WDR93: variants seen among roughly 807,000 people sequenced by gnomAD.
WDR93 encodes the protein WD repeat-containing protein 93.
A neutral mutation model predicts 82.9 loss-of-function variants in WDR93; 73 were observed. That is an observed-to-expected ratio of 0.88 (90% CI 0.73 to 1.07). The LOEUF (loss-of-function observed/expected upper bound fraction) is 1.07. Ranked by LOEUF, WDR93 falls within the 50% of genes least tolerant of loss-of-function variation. The pLI is 0.00. For missense variants in WDR93, 738 were observed against 826.0 expected (o/e 0.89, Z 1.31); for synonymous variants, 283 against 300.1 (o/e 0.94, Z 0.59).
intron 7 of WDR93, chr15:89,719,613 T>A (rs1966428414): frequency 6.6e-6 from 1 of 152,190 alleles, no homozygotes; most frequent in Non-Finnish European, 1.5e-5. Context: ...TTTTTCTTAA[T>A]CAGTTTGGCT....
intron 16 of WDR93, among the ~76,000 whole-genome samples, chr15:89,739,734 T>C (rs1967505048): frequency 6.6e-6 from 1 of 152,190 alleles, no homozygotes; most frequent in Non-Finnish European, 1.5e-5. Flanking sequence ...TTCCTTCCAG[T>C]GCCTAGATGT....
intron 14 of WDR93, among the ~76,000 whole-genome samples, chr15:89,736,748 G>C (rs191852967): frequency 6.6e-6 from 1 of 152,020 alleles, no homozygotes; most frequent in East Asian, 1.9e-4. Flanking sequence ...TGTGGGGAGG[G>C]GAAAGTGGTG....
chr15:89,715,660 T>C (rs1966214827), intron 6 of WDR93, among the ~76,000 whole-genome samples: 1 of 152,208 alleles, frequency 6.6e-6, no homozygotes, highest in Non-Finnish European at 1.5e-5. Context: ...CTCTGCTCAC[T>C]GCAACCTCTG....
At chr15:89,741,973 G>A (rs1413172401) in intron 16 of WDR93, among the ~76,000 whole-genome samples, 1 of 152,122 alleles carries the variant, frequency 6.6e-6, no homozygotes, top group Non-Finnish European at 1.5e-5. Context: ...GGATGGTATC[G>A]ATCTCTTGAC....
chr15:89,695,360 G>GT (rs1965116813), intron 1 of WDR93, among the ~76,000 whole-genome samples: 1 of 152,162 alleles, frequency 6.6e-6, no homozygotes, highest in South Asian at 2.1e-4. Flanking sequence ...TAGAGAGGGA[G>GT]TTTCGCTGTA....
intron 6 of WDR93, among the ~76,000 whole-genome samples, chr15:89,716,179 G>A (rs1408314519): frequency 6.6e-6 from 1 of 152,142 alleles, no homozygotes. Flanking sequence ...CCCTGGGAAA[G>A]TTACTAGCCC....
At chr15:89,720,324 GTGCAGTGGTGCAATC>G (rs1458500953) in intron 7 of WDR93, among the ~76,000 whole-genome samples, 1 of 151,818 alleles carries the variant, frequency 6.6e-6, no homozygotes, top group African/African-American at 2.4e-5. Context: ...TCAGACTGGA[GTGCAGTGGTGCAATC>G]TTGGCTCACT....
intron 1 of WDR93, among the ~76,000 whole-genome samples, chr15:89,701,323 C>T (rs370766085): frequency 4.6e-5 from 7 of 152,056 alleles, no homozygotes; most frequent in African/African-American, 1.7e-4. Context: ...GGAGGAGAGT[C>T]GTGGCTCACT....
chr15:89,691,988 A>G (rs1964912574), intron 1 of WDR93, among the ~76,000 whole-genome samples: 1 of 152,234 alleles, frequency 6.6e-6, no homozygotes, highest in African/African-American at 2.4e-5. Context: ...ACCTGGAAAC[A>G]CAGCTGGAAT....
Position 89,733,222 on chromosome 15 carries a change from C to G in WDR93, c.1544+3C>G, listed in dbSNP as rs1966897323. 6.2e-7 allele frequency: 1 copy of G among 1,611,710 alleles called. No individual in the cohort carries two copies. Among genetic ancestry groups the G allele is most frequent in the African/African-American group, 1.3e-5 (1 of 74,972 alleles). On this transcript the variant is annotated splice_donor_region_variant and intron_variant, in intron 13 of 16. Coordinates refer to ENST00000268130, the MANE Select transcript of WDR93 (RefSeq NM_020212.2). The stretch of plus-strand genomic sequence containing the variant: ...ACCATCAGTGTGCTTGTTGAGAGGT[C>G]AGTAGCTTGAGGGTGGGACGGGGTA...
At chr15:89,713,480 G>GTTT (rs71151526) in intron 5 of WDR93, among the ~76,000 whole-genome samples, 2 of 149,720 alleles carry the variant, frequency 1.3e-5, no homozygotes, top group African/African-American at 4.9e-5. Context: ...ATTTTATTTT[G>GTTT]TTTTTTTTTT....
Position 89,712,100 on chromosome 15 carries a change from A to G in WDR93, c.636A>G (p.Leu212=). ...SQGGDFAAFL[L]QGAGDIWLDV... ...GAGGGGACTTTGCAGCCTTCCTCCT[A>G]CAAGGCAAGATTAACCAAAGACTGT... Residue 212 remains leucine (L), a synonymous_variant, in exon 5 of 17, where the codon CTA becomes CTG. Coordinates refer to ENST00000268130, the MANE Select transcript of WDR93 (RefSeq NM_020212.2). 6.2e-7 allele frequency: 1 copy of G among 1,611,818 alleles called. No individual in the cohort carries two copies. Among genetic ancestry groups the G allele is most frequent in the African/African-American group, 1.3e-5 (1 of 74,984 alleles).
chr15:89,720,172 C>A (rs560237179), intron 7 of WDR93, among the ~76,000 whole-genome samples: 1 of 152,166 alleles, frequency 6.6e-6, no homozygotes, highest in Non-Finnish European at 1.5e-5. Context: ...TAATGCTATA[C>A]ACTTGTATCT....
chr15:89,697,673 GTTTTCTGTATCCTCACAGAT>G (rs1777576157), intron 1 of WDR93, among the ~76,000 whole-genome samples: 1 of 152,050 alleles, frequency 6.6e-6, no homozygotes, highest in African/African-American at 2.4e-5. Context: ...TGTTATTGAA[GTTTTCTGTATCCTCACAGAT>G]TTTTCTGTTT....
chr15:89,720,492 T>C (rs1457887339), intron 7 of WDR93, among the ~76,000 whole-genome samples: 5 of 152,098 alleles, frequency 3.3e-5, no homozygotes, highest in East Asian at 1.9e-4. Context: ...AGGCTGGTCT[T>C]GAACTCCTGA....
Position 89,705,547 on chromosome 15 carries a change from G to C in WDR93, c.497-7G>C. 2.0e-6 allele frequency: 3 copies of C among 1,475,326 alleles called. 1 individual carries two copies. Among genetic ancestry groups the C allele is most frequent in the Middle Eastern group, 3.4e-4 (2 of 5,830 alleles). 91.4% of individuals were successfully genotyped at this position (1,475,326 alleles called of 1,614,324 possible). ...TCTTAACATTCTCACTTATTTTTCT[G>C]TTTCAGGTATCATTAGACTCTTTTA... On this transcript the variant is annotated splice_region_variant and splice_polypyrimidine_tract_variant and intron_variant, in intron 3 of 16. Transcript: ENST00000268130.
chr15:89,702,977 G>C lies in WDR93; in HGVS notation c.331G>C (p.Val111Leu). The change falls in exon 3 of 17, where the codon GTT (valine) becomes CTT (leucine). Residue 111 changes from valine (V) to leucine (L), a missense_variant. Transcript: ENST00000268130. ...QLNKMPNCMA[V>L]SQDYVFIGGA... Reference sequence around the variant, plus strand: ...CAACAAAATGCCAAATTGTATGGCTGTTTCCCAAGACTATGTGTTTATTGG... The same window carrying C: ...CAACAAAATGCCAAATTGTATGGCTCTTTCCCAAGACTATGTGTTTATTGG... The C allele has an allele frequency of 6.2e-7, 1 of 1,614,112 alleles. No individual in the cohort carries two copies.
intron 7 of WDR93, among the ~76,000 whole-genome samples, chr15:89,718,680 A>G (rs1449637634): frequency 6.6e-6 from 1 of 152,242 alleles, no homozygotes; most frequent in African/African-American, 2.4e-5. Context: ...CAAATAATAT[A>G]TGAATATATC....
At chr15:89,696,864 A>C (rs2141581982) in intron 1 of WDR93, among the ~76,000 whole-genome samples, 1 of 152,306 alleles carries the variant, frequency 6.6e-6, no homozygotes, top group Middle Eastern at 3.4e-3. Context: ...ACACTGTCAA[A>C]TCCTTTCTCA....
Sources: allele counts gnomAD v4.1 joint callset (sites outside exome capture counted in the v4.1 genomes callset), GRCh38; gene constraint gnomAD v4.1.1; transcripts MANE v1.5; gene names NCBI Gene and HGNC (gene_info 2026-07-23, HGNC 2026-07-21).